HAPLN1: variants seen among roughly 807,000 people sequenced by gnomAD.
HAPLN1 encodes the protein hyaluronan and proteoglycan link protein 1, also known as Cartilage link protein.
In HAPLN1, 13 loss-of-function variants were observed where a neutral mutation model predicts 36.5. That is an observed-to-expected ratio of 0.36 (90% CI 0.23 to 0.57). HAPLN1 has a LOEUF of 0.57. HAPLN1 is among the 20% of genes least tolerant of loss of function. The pLI, the probability that HAPLN1 is intolerant of heterozygous loss-of-function variation, is 0.83. For missense variants in HAPLN1, 407 were observed against 439.7 expected, an observed-to-expected ratio of 0.93 and a Z score of 0.66; for synonymous variants, 202 against 169.8, an observed-to-expected ratio of 1.19 and a Z score of -1.48.
At position 83,644,606 on chromosome 5, in the gene HAPLN1, G is replaced by C; in HGVS notation, c.532C>G (p.Gln178Glu). The stretch of plus-strand genomic sequence containing the variant: ...GCATCCTGGTCCAGACACGCCTGCT[G>C]CGCCTCGTGAAAATTGAGATTGTAG... ...GRYNLNFHEA[Q>E]QACLDQDAVI... The change falls in exon 4 of 5, where the codon CAG becomes GAG. Residue 178 changes from glutamine to glutamate, a missense_variant. Transcript: ENST00000274341. 1 of 1,523,392 alleles carries C rather than the reference G, an allele frequency of 6.6e-7. No individual in the cohort carries two copies. Among genetic ancestry groups the C allele is most frequent in the South Asian group, 1.3e-5 (1 of 78,220 alleles). The allele number at this position is 1,523,392 out of a possible 1,614,324, so 94.4% of individuals were successfully genotyped here. A position where few individuals can be genotyped will look rare whatever the true frequency, so the allele number is the denominator to read the frequency against.
chr5:83,644,710 A>C, intron 3 of HAPLN1, 45 bp from the exon 4 acceptor site: 1 of 1,359,484 alleles, frequency 7.4e-7, no homozygotes, highest in Non-Finnish European at 9.6e-7. Context: ...CCCCAAAACT[A>C]ACAACTCTGA....
Position 83,682,560 on chromosome 5 carries a change from A to G in HAPLN1, c.-26-9011T>C, listed in dbSNP as rs572861783. On this transcript the variant is annotated intron_variant, in intron 1 of 4. Transcript: ENST00000274341. ...AGTCAATCCTCATCTCCGTTGGCTG[A>G]GTCTTTTCAGGTATCTTCCAAGATC... The G allele has an allele frequency of 8.5e-5, 13 of 152,286 alleles. No individual in the cohort carries two copies. The East Asian group carries it at 2.5e-3, about 29-fold the overall frequency. The allele number at this position is 152,286 out of a possible 1,614,324, so 9.4% of individuals were successfully genotyped here. A position where few individuals can be genotyped will look rare whatever the true frequency, so the allele number is the denominator to read the frequency against.
chr5:83,707,188 C>T (rs1375684974), intron 1 of HAPLN1, among the ~76,000 whole-genome samples: 2 of 152,142 alleles, frequency 1.3e-5, no homozygotes, highest in Non-Finnish European at 2.9e-5. Context: ...ATTGCTATTC[C>T]TATCAAACTA....
chr5:83,714,849 C>T (rs1363306311), intron 1 of HAPLN1, among the ~76,000 whole-genome samples: 3 of 152,198 alleles, frequency 2.0e-5, no homozygotes, highest in Non-Finnish European at 1.5e-5. Flanking sequence ...TCATGAAGGG[C>T]TGAGGGGATC....
intron 2 of HAPLN1, among the ~76,000 whole-genome samples, chr5:83,653,558 T>C (rs1473781277): frequency 2.0e-5 from 3 of 152,264 alleles, no homozygotes; most frequent in African/African-American, 7.2e-5. Context: ...TCTTTTCTGA[T>C]TAACCAAATA....
Position 83,641,447 on chromosome 5 carries a change from T to C in HAPLN1, c.*49A>G. On this transcript the variant is annotated 3_prime_UTR_variant, in exon 5 of 5. Transcript: ENST00000274341. ...GTTCATATTGGAAAAAAAAAACACC[T>C]TTCACATGTTCTTAATGACTTTAAA... is the stretch of plus-strand genomic sequence containing the variant. 2 of 1,503,220 alleles carry C rather than the reference T, an allele frequency of 1.3e-6. No homozygotes were observed. The highest frequency in any genetic ancestry group is 1.8e-6 in the Non-Finnish European group (2 of 1,122,528). The allele number at this position is 1,503,220 out of a possible 1,614,324, so 93.1% of individuals were successfully genotyped here. A position where few individuals can be genotyped will look rare whatever the true frequency, so the allele number is the denominator to read the frequency against.
intron 1 of HAPLN1, among the ~76,000 whole-genome samples, chr5:83,696,543 AAG>A (rs1751391691): frequency 6.6e-6 from 1 of 152,156 alleles, no homozygotes; most frequent in Admixed American, 6.5e-5. Flanking sequence ...TATAGTAATT[AAG>A]AGAGTATGGT....
At chr5:83,719,845 A>G (rs1188678058) in intron 1 of HAPLN1, among the ~76,000 whole-genome samples, 1 of 152,210 alleles carries the variant, frequency 6.6e-6, no homozygotes, top group Non-Finnish European at 1.5e-5. Flanking sequence ...TTAATTTCTT[A>G]AGAACTATTA....
At chr5:83,657,392 T>G (rs1750251210) in intron 2 of HAPLN1, among the ~76,000 whole-genome samples, 1 of 151,966 alleles carries the variant, frequency 6.6e-6, no homozygotes. Context: ...GCCACAAAGT[T>G]TCTGTTTTTA....
At chr5:83,650,632 CTTTTTTTTTT>C (rs5869195) in intron 3 of HAPLN1, among the ~76,000 whole-genome samples, 4 of 103,722 alleles carry the variant, frequency 3.9e-5, no homozygotes, top group South Asian at 6.3e-4. Flanking sequence ...AAATTCTTTT[CTTTTTTTTTT>C]TTTTTTTTTT....
intron 1 of HAPLN1, among the ~76,000 whole-genome samples, chr5:83,689,843 C>T (rs1751228497): frequency 6.6e-6 from 1 of 151,872 alleles, no homozygotes; most frequent in Admixed American, 6.6e-5. Context: ...AATTCTAAAC[C>T]CAAATATATA....
chr5:83,686,820 A>G (rs985605447), intron 1 of HAPLN1, among the ~76,000 whole-genome samples: 9 of 152,194 alleles, frequency 5.9e-5, no homozygotes, highest in African/African-American at 2.2e-4. Flanking sequence ...GACAGAAAAC[A>G]AAAGAAGGTC....
At chr5:83,700,609 T>C (rs964056511) in intron 1 of HAPLN1, among the ~76,000 whole-genome samples, 3 of 152,010 alleles carry the variant, frequency 2.0e-5, no homozygotes, top group African/African-American at 7.2e-5. Context: ...ATTGGTATTT[T>C]CCTTTAAATG....
intron 1 of HAPLN1, among the ~76,000 whole-genome samples, chr5:83,718,468 CATT>C (rs1751961009): frequency 1.3e-5 from 2 of 152,154 alleles, no homozygotes; most frequent in South Asian, 2.1e-4. Flanking sequence ...TAAAGAGATG[CATT>C]ATTAATTTAT....
At chr5:83,670,589 C>T (rs1750681425) in intron 2 of HAPLN1, among the ~76,000 whole-genome samples, 1 of 152,146 alleles carries the variant, frequency 6.6e-6, no homozygotes, top group Non-Finnish European at 1.5e-5. Context: ...GGAGAGATTT[C>T]TTTCTCATTA....
chr5:83,682,059 A>G (rs889847773), intron 1 of HAPLN1, among the ~76,000 whole-genome samples: 1 of 152,198 alleles, frequency 6.6e-6, no homozygotes, highest in African/African-American at 2.4e-5. Flanking sequence ...AATTGTTTTT[A>G]ATTGAGCCAG....
At chr5:83,668,313 G>T (rs1750610010) in intron 2 of HAPLN1, among the ~76,000 whole-genome samples, 1 of 152,180 alleles carries the variant, frequency 6.6e-6, no homozygotes, top group African/African-American at 2.4e-5. Flanking sequence ...GATTGCAATA[G>T]TCAGGGTGAC....
At chr5:83,687,908 ACT>A (rs1415445579) in intron 1 of HAPLN1, among the ~76,000 whole-genome samples, 1 of 152,000 alleles carries the variant, frequency 6.6e-6, no homozygotes, top group East Asian at 1.9e-4. Context: ...GGCTGTTTTG[ACT>A]CTCTTGGTTT....
chr5:83,667,081 T>C (rs1384364544), intron 2 of HAPLN1, among the ~76,000 whole-genome samples: 1 of 152,206 alleles, frequency 6.6e-6, no homozygotes, highest in Admixed American at 6.5e-5. Context: ...AGACTGTATG[T>C]TTTGTCATCA....
Sources: gnomAD v4.1 joint callset for allele counts (sites outside exome capture counted in the v4.1 genomes callset) on GRCh38, gnomAD v4.1.1 for gene constraint, MANE v1.5 for transcripts, NCBI Gene and HGNC (gene_info 2026-07-23, HGNC 2026-07-21) for gene names.